Variants in TOR1AIP2 observed in about 807,000 individuals in gnomAD.
TOR1AIP2 encodes the protein torsin 1A interacting protein 2, also known as torsin-1A-interacting protein 2.
TOR1AIP2 carries 20 observed loss-of-function variants against 32.6 expected under a neutral mutation model. The ratio of observed to expected loss-of-function variants is 0.61; its 90% confidence interval spans 0.43 to 0.89. The LOEUF (loss-of-function observed/expected upper bound fraction) is 0.89. Ranked by LOEUF, TOR1AIP2 falls within the 40% of genes least tolerant of loss-of-function variation. TOR1AIP2 has a pLI of 0.00. For missense variants in TOR1AIP2, 456 were observed against 553.8 expected (o/e 0.82, Z 1.77); for synonymous variants, 214 against 210.8 (o/e 1.02, Z -0.13).
rs1571650459 is a variant in TOR1AIP2 at position 179,846,157 on chromosome 1, A to G, written c.1327T>C (p.Leu443=). The G allele has an allele frequency of 1.1e-5, 17 of 1,614,146 alleles. No homozygotes were observed. The highest frequency in any genetic ancestry group is 1.3e-5 in the Non-Finnish European group (15 of 1,180,016). The part of the protein sequence containing the change: ...TSFNHMDSDK[L]SGLWSRISHL... The stretch of plus-strand genomic sequence containing the variant: ...GAAATTCGGCTCCACAGCCCACTCA[A>G]TTTGTCTGAGTCCATGTGGTTGAAG... The change falls in exon 7 of 7, where the codon TTG becomes CTG. Residue 443 remains leucine (L), a synonymous_variant. Transcript: ENST00000609928.
chr1:179,850,344 G>A (rs539106894), intron 5 of TOR1AIP2, among the ~76,000 whole-genome samples: 6 of 152,122 alleles, frequency 3.9e-5, no homozygotes, highest in Non-Finnish European at 8.8e-5. Flanking sequence ...AAAAAACCAC[G>A]TATAGAGAAA....
In TOR1AIP2 at chr1:179,840,865, C is replaced by G. The variant is rs929849634; in HGVS notation, c.*5206G>C. The G allele has an allele frequency of 1.5e-5, 2 of 137,496 alleles. No homozygotes were observed. The highest frequency in any genetic ancestry group is 1.4e-4 in the Admixed American group (2 of 14,216). 8.5% of individuals were successfully genotyped at this position (137,496 alleles called of 1,614,324 possible). ...CTATGTTAACAAACCTGCATGTTCT[C>G]CACATGTATCCCAGAACTTAAACTA... On this transcript the variant is annotated 3_prime_UTR_variant, in exon 7 of 7. Transcript: ENST00000609928.
At chr1:179,864,930 C>T (rs1199010447) in intron 3 of TOR1AIP2, 1 of 1,614,016 alleles carries the variant, frequency 6.2e-7, no homozygotes, top group Non-Finnish European at 8.5e-7. Flanking sequence ...CAAGCTTTCT[C>T]AAAGGTCCAT....
At chr1:179,850,259 A>G (rs1243534363) in intron 5 of TOR1AIP2, among the ~76,000 whole-genome samples, 1 of 152,232 alleles carries the variant, frequency 6.6e-6, no homozygotes, top group African/African-American at 2.4e-5. Flanking sequence ...CTCCAGTTCC[A>G]GTTAAGGATT....
intron 5 of TOR1AIP2, among the ~76,000 whole-genome samples, chr1:179,848,882 G>A (rs1239624251): frequency 1.3e-5 from 2 of 152,168 alleles, no homozygotes; most frequent in African/African-American, 4.8e-5. Flanking sequence ...TGTAATCCCA[G>A]CACTTTGGGA....
At chr1:179,875,835 T>C (rs1647271438) in intron 2 of TOR1AIP2, 1 of 152,230 alleles carries the variant, frequency 6.6e-6, no homozygotes, top group African/African-American at 2.4e-5. Context: ...TTACCAATGT[T>C]AGGGACACGC....
intron 2 of TOR1AIP2, among the ~76,000 whole-genome samples, chr1:179,873,242 G>T (rs937303644): frequency 6.6e-6 from 1 of 152,076 alleles, no homozygotes; most frequent in African/African-American, 2.4e-5. Flanking sequence ...GCCTAGGCTG[G>T]TCTCGAACTC....
chr1:179,865,241 C>T (rs779760194), intron 3 of TOR1AIP2, 195 bp downstream of exon 3: 46 of 1,515,878 alleles, frequency 3.0e-5, no homozygotes, highest in East Asian at 2.0e-4. Flanking sequence ...CAGAGAGAGA[C>T]GCCCAAACAC....
chr1:179,846,527 G>A lies in TOR1AIP2; in HGVS notation c.957C>T (p.Tyr319=), dbSNP rs775316008. 6 of 1,614,054 alleles carry A rather than the reference G, an allele frequency of 3.7e-6. No individual in the cohort carries two copies. The African/African-American group carries it at 4.0e-5, about 11-fold the overall frequency. The change falls in exon 7 of 7, where the codon TAC becomes TAT. Residue 319 remains tyrosine, a synonymous_variant. Transcript: ENST00000609928. ...KCLSHHVADA[Y]TSSQKVSPIQ... is the part of the protein sequence containing the mutation. ...TGGGAGAGACTTTCTGGGAAGAGGTGTAGGCATCTGCAACATGGTGGCTCA... is the reference window on the plus strand; with the variant it reads ...TGGGAGAGACTTTCTGGGAAGAGGTATAGGCATCTGCAACATGGTGGCTCA...
chr1:179,862,520 G>C (rs1376236216), intron 3 of TOR1AIP2: 2 of 985,276 alleles, frequency 2.0e-6, no homozygotes, highest in Non-Finnish European at 1.2e-6. Flanking sequence ...GATACAGGGT[G>C]CATCTCTGGG....
rs1695779966 is a variant in TOR1AIP2 at position 179,843,150 on chromosome 1, T to C, written c.*2921A>G. Reference sequence around the variant, plus strand: ...TGTACATTTATAAAATATGGTCTTATGTTTAAAAATAGTCATTTTAGTCAT... The same window carrying C: ...TGTACATTTATAAAATATGGTCTTACGTTTAAAAATAGTCATTTTAGTCAT... On this transcript the variant is annotated 3_prime_UTR_variant, in exon 7 of 7. Transcript: ENST00000609928. The C allele has an allele frequency of 6.6e-6, 1 of 152,034 alleles. No individual in the cohort carries two copies. Among genetic ancestry groups the C allele is most frequent in the African/African-American group, 2.4e-5 (1 of 41,394 alleles). The allele number at this position is 152,034 out of a possible 1,614,324, so 9.4% of individuals were successfully genotyped here.
intron 3 of TOR1AIP2, among the ~76,000 whole-genome samples, chr1:179,858,724 A>G (rs1696402002): frequency 6.6e-6 from 1 of 152,208 alleles, no homozygotes; most frequent in African/African-American, 2.4e-5. Context: ...GAGACAGGAC[A>G]CGGAAAAGCT....
chr1:179,852,074 A>G (rs745940774), intron 4 of TOR1AIP2, among the ~76,000 whole-genome samples: 6 of 152,214 alleles, frequency 3.9e-5, no homozygotes, highest in Non-Finnish European at 5.9e-5. Context: ...TGAGGTCAGG[A>G]GTTCAAGACC....
intron 3 of TOR1AIP2, chr1:179,863,568 C>A (rs934838321): frequency 1.0e-6 from 1 of 984,650 alleles, no homozygotes; most frequent in African/African-American, 1.8e-5. Flanking sequence ...GTGGCTCACG[C>A]CTGTAATCCC....
chr1:179,864,862 T>C, intron 3 of TOR1AIP2: 4 of 1,614,054 alleles, frequency 2.5e-6, no homozygotes, highest in Non-Finnish European at 3.4e-6. Context: ...TAAAACCAGC[T>C]ACTCGAGAGT....
chr1:179,846,524 G>T lies in TOR1AIP2; in HGVS notation c.960C>A (p.Thr320=). The T allele has an allele frequency of 6.2e-7, 1 of 1,614,146 alleles. No individual in the cohort carries two copies. The highest frequency in any genetic ancestry group is 8.5e-7 in the Non-Finnish European group (1 of 1,180,022). Residue 320 remains threonine, a synonymous_variant, in exon 7 of 7, where the codon ACC becomes ACA. Coordinates refer to ENST00000609928, the MANE Select transcript of TOR1AIP2 (RefSeq NM_001199260.2). ...CLSHHVADAY[T]SSQKVSPIQI... is the part of the protein sequence containing the mutation. ...GAATGGGAGAGACTTTCTGGGAAGA[G>T]GTGTAGGCATCTGCAACATGGTGGC... is the stretch of plus-strand genomic sequence containing the variant.
intron 1 of TOR1AIP2, 131 bp from the exon 2 acceptor site, chr1:179,877,504 G>A (rs930201468): frequency 2.0e-5 from 3 of 150,720 alleles, no homozygotes; most frequent in Admixed American, 6.7e-5. Flanking sequence ...CTATGATCAC[G>A]CCACTGTACT....
At position 179,843,510 on chromosome 1, in the gene TOR1AIP2, CAAAAAAAAAAAA is replaced by C. The variant is rs1171986747; in HGVS notation, c.*2549_*2560del. On this transcript the variant is annotated 3_prime_UTR_variant, in exon 7 of 7. Coordinates refer to ENST00000609928, the MANE Select transcript of TOR1AIP2 (RefSeq NM_001199260.2). ...TGGGTGACAGAGCAAGACCTTCTCT[CAAAAAAAAAAAA>C]AAAAAAAAAAGAAGTTTGGTTGGGT... 2.8e-5 allele frequency: 2 copies of C among 71,924 alleles called. No individual in the cohort carries two copies. Among genetic ancestry groups the C allele is most frequent in the South Asian group, 5.1e-4 (1 of 1,964 alleles). The allele number at this position is 71,924 out of a possible 1,614,324, so 4.5% of individuals were successfully genotyped here.
rs1466654455 is a variant in TOR1AIP2, at chr1:179,865,414, TATA to T, written c.-147+19_-147+21del. ...TCTGAACTCAGGGACCGATCCAGTT[TATA>T]ATGTTATCAGTCACTTACTAGCAGT... On this transcript the variant is annotated intron_variant, in intron 3 of 6. Transcript: ENST00000609928. 5.7e-6 allele frequency: 3 copies of T among 525,306 alleles called. No homozygotes were observed. Among genetic ancestry groups the T allele is most frequent in the African/African-American group, 1.9e-5 (1 of 52,420 alleles). The allele number at this position is 525,306 out of a possible 1,614,324, so 32.5% of individuals were successfully genotyped here.
Sources: gnomAD v4.1 joint callset for allele counts (sites outside exome capture counted in the v4.1 genomes callset) on GRCh38, gnomAD v4.1.1 for gene constraint, MANE v1.5 for transcripts, NCBI Gene and HGNC (gene_info 2026-07-23, HGNC 2026-07-21) for gene names.